Variants in TRPC6 observed in about 807,000 individuals in gnomAD.
TRPC6 encodes short transient receptor potential channel 6.
A neutral mutation model predicts 90.7 loss-of-function variants in TRPC6; 55 were observed. The ratio of observed to expected loss-of-function variants is 0.61; its 90% CI spans 0.49 to 0.76. The LOEUF is 0.76. TRPC6 is among the 30% of genes least tolerant of loss of function. TRPC6 has a pLI of 0.00. For synonymous variants in TRPC6, 393 were observed against 393.0 expected (o/e 1.00, Z 0.00); for missense variants, 989 against 1,122.7 (o/e 0.88, Z 1.70).
At chr11:101,544,053 T>C (rs1354253773) in intron 1 of TRPC6, among the ~76,000 whole-genome samples, 1 of 151,878 alleles carries the variant, frequency 6.6e-6, no homozygotes, top group Non-Finnish European at 1.5e-5. Context: ...AACAACCCCA[T>C]CAAAAAGTGG....
At chr11:101,550,409 A>G (rs989287959) in intron 1 of TRPC6, among the ~76,000 whole-genome samples, 1 of 151,708 alleles carries the variant, frequency 6.6e-6, no homozygotes, top group African/African-American at 2.4e-5. Context: ...TGAGAGAAAT[A>G]TAATTTGATT....
intron 1 of TRPC6, among the ~76,000 whole-genome samples, chr11:101,561,504 G>C (rs1057386417): frequency 2.0e-5 from 3 of 152,018 alleles, no homozygotes; most frequent in Non-Finnish European, 4.4e-5. Flanking sequence ...GAGAACATTT[G>C]AGAACAGTGG....
intron 1 of TRPC6, among the ~76,000 whole-genome samples, chr11:101,569,386 CAA>C (rs1375156729): frequency 6.6e-6 from 1 of 152,104 alleles, no homozygotes; most frequent in African/African-American, 2.4e-5. Context: ...TAGAGACCTA[CAA>C]AGAGACTTAG....
In TRPC6 at chr11:101,583,388, C is replaced by T. The variant is rs760505463; in HGVS notation, c.116G>A (p.Gly39Glu). The change falls in exon 1 of 13, where the codon GGA becomes GAA. Residue 39 changes from glycine (G) to glutamate (E), a missense_variant. Coordinates refer to ENST00000344327, the MANE Select transcript of TRPC6 (RefSeq NM_004621.6). ...CGGGGCTTGCGGGCAGCCGTCTTCT[C>T]CCAGCTCCGAGTCCATGAGCAGATA... ...QDYLLMDSEL[G>E]EDGCPQAPLP... 31 of 1,592,186 alleles carry T rather than the reference C, an allele frequency of 1.9e-5. No homozygotes were observed. The highest frequency in any genetic ancestry group is 2.7e-5 in the Non-Finnish European group (31 of 1,169,486).
At chr11:101,524,448 A>G (rs966460238) in intron 1 of TRPC6, among the ~76,000 whole-genome samples, 44 of 152,260 alleles carry the variant, frequency 2.9e-4, no homozygotes, top group African/African-American at 9.1e-4. Flanking sequence ...ACGGGGTTTC[A>G]CCATGTTAGC....
At chr11:101,562,839 T>C (rs1861744437) in intron 1 of TRPC6, among the ~76,000 whole-genome samples, 1 of 152,198 alleles carries the variant, frequency 6.6e-6, no homozygotes, top group Non-Finnish European at 1.5e-5. Context: ...CAAAAGTTAG[T>C]TCATGTCTGG....
At chr11:101,474,770 C>T (rs1343598315) in intron 6 of TRPC6, among the ~76,000 whole-genome samples, 1 of 152,150 alleles carries the variant, frequency 6.6e-6, no homozygotes, top group Non-Finnish European at 1.5e-5. Flanking sequence ...ATATTTTCCC[C>T]ATCCAGGTTT....
At chr11:101,532,192 A>G (rs1389546865) in intron 1 of TRPC6, among the ~76,000 whole-genome samples, 2 of 152,172 alleles carry the variant, frequency 1.3e-5, no homozygotes, top group Non-Finnish European at 2.9e-5. Flanking sequence ...CTTGGGAGAG[A>G]CTGTAGCAAA....
chr11:101,562,886 T>C (rs1384715573), intron 1 of TRPC6, among the ~76,000 whole-genome samples: 3 of 152,132 alleles, frequency 2.0e-5, no homozygotes, highest in Non-Finnish European at 4.4e-5. Flanking sequence ...GAGAAAATAA[T>C]AGGCCTACTT....
chr11:101,546,834 GATAA>G (rs757398820), intron 1 of TRPC6, among the ~76,000 whole-genome samples: 7 of 151,926 alleles, frequency 4.6e-5, no homozygotes, highest in Admixed American at 6.6e-5. Context: ...TAATAGAATG[GATAA>G]ATAAAGGATG....
chr11:101,582,403 A>T (rs992229864), intron 1 of TRPC6, among the ~76,000 whole-genome samples: 1 of 152,054 alleles, frequency 6.6e-6, no homozygotes, highest in African/African-American at 2.4e-5. Context: ...TGGATGTGAC[A>T]AGTCAGGAAA....
intron 1 of TRPC6, among the ~76,000 whole-genome samples, chr11:101,540,163 C>T (rs980240934): frequency 6.6e-6 from 1 of 152,130 alleles, no homozygotes; most frequent in Non-Finnish European, 1.5e-5. Context: ...AGACAATTAT[C>T]GCAGCAGTGG....
chr11:101,570,052 A>G (rs1861924568), intron 1 of TRPC6, among the ~76,000 whole-genome samples: 1 of 152,196 alleles, frequency 6.6e-6, no homozygotes. Flanking sequence ...GAGACACAAA[A>G]AACCCTTCAA....
rs140280077 is a variant in TRPC6, at chr11:101,557,047, A to T, written c.170+26287T>A. On this transcript the variant is annotated intron_variant, in intron 1 of 12. Coordinates refer to ENST00000344327, the MANE Select transcript of TRPC6 (RefSeq NM_004621.6). ...AAACTCTTACCAGATTACGTATAGAAGAAAGGTACCTCAATAAAATAAAGA... is the reference window on the plus strand; with the variant it reads ...AAACTCTTACCAGATTACGTATAGATGAAAGGTACCTCAATAAAATAAAGA... 2.5e-3 allele frequency among the ~76,000 whole-genome samples: 376 copies of T among 152,322 alleles called. 3 individuals are homozygous for T. Among genetic ancestry groups the T allele is most frequent in the Non-Finnish European group, 4.7e-3 (323 of 68,024 alleles).
At chr11:101,464,387 G>T (rs1859091245) in intron 10 of TRPC6, among the ~76,000 whole-genome samples, 1 of 152,088 alleles carries the variant, frequency 6.6e-6, no homozygotes. Context: ...ATTGAGATTG[G>T]GATGTTAGAG....
chr11:101,552,757 A>G (rs1489595299), intron 1 of TRPC6, among the ~76,000 whole-genome samples: 3 of 152,066 alleles, frequency 2.0e-5, no homozygotes, highest in East Asian at 3.8e-4. Context: ...TTATTTTTCA[A>G]TTGGTACTAA....
intron 2 of TRPC6, among the ~76,000 whole-genome samples, chr11:101,501,267 TA>T (rs59511975): frequency 6.8e-6 from 1 of 147,264 alleles, no homozygotes; most frequent in Non-Finnish European, 1.5e-5. Context: ...AAAAAGATTT[TA>T]AAAAAAAAGA....
chr11:101,555,872 G>C (rs1173769899), intron 1 of TRPC6, among the ~76,000 whole-genome samples: 1 of 152,070 alleles, frequency 6.6e-6, no homozygotes, highest in Non-Finnish European at 1.5e-5. Context: ...ATACACCTCA[G>C]CAAATTTCAA....
At chr11:101,522,303 A>G (rs1591108361) in intron 1 of TRPC6, among the ~76,000 whole-genome samples, 1 of 150,982 alleles carries the variant, frequency 6.6e-6, no homozygotes, top group Non-Finnish European at 1.5e-5. Context: ...AATGTATATC[A>G]CCTCCCCCTT....
Sources: allele counts gnomAD v4.1 joint callset (sites outside exome capture counted in the v4.1 genomes callset), GRCh38; gene constraint gnomAD v4.1.1; transcripts MANE v1.5; gene names NCBI Gene and HGNC (gene_info 2026-07-23, HGNC 2026-07-21).